The following CLEC9A variants were observed in gnomAD, a reference collection of about 807,000 sequenced individuals.
CLEC9A encodes C-type lectin domain containing 9A.
A neutral mutation model predicts 30.0 loss-of-function variants in CLEC9A; 24 were observed. The ratio of observed to expected loss-of-function variants is 0.80; its 90% CI spans 0.58 to 1.13. The LOEUF is 1.13. Ranked by LOEUF, CLEC9A falls within the 50% of genes most tolerant of loss-of-function variation. The pLI, the probability that CLEC9A is intolerant of heterozygous loss-of-function variation, is 0.00. For missense variants in CLEC9A, 251 were observed against 280.9 expected, an observed-to-expected ratio of 0.89 and a Z score of 0.76; for synonymous variants, 111 against 96.8, an observed-to-expected ratio of 1.15 and a Z score of -0.86.
rs748127904 is a variant in CLEC9A at position 10,065,584 on chromosome 12, G to A, written c.678G>A (p.Thr226=). 43 of 1,613,890 alleles carry A rather than the reference G, an allele frequency of 2.7e-5. No homozygotes were observed. The highest frequency in any genetic ancestry group is 3.4e-5 in the Non-Finnish European group (40 of 1,179,858). The change falls in exon 9 of 9, where the codon ACG becomes ACA. Residue 226 remains threonine (T), a synonymous_variant. Coordinates refer to ENST00000355819, the MANE Select transcript of CLEC9A (RefSeq NM_207345.4). ...CCCTTCTTTCGTCTAACTGCAGCAC[G>A]TGGAAGTATTTTATCTGTGAGAAGT... is the stretch of plus-strand genomic sequence containing the variant. The part of the protein sequence containing the change: ...SNSLLSSNCS[T]WKYFICEKYA...
chr12:10,036,881 G>A (rs911897805), intron 1 of CLEC9A, among the ~76,000 whole-genome samples: 1 of 152,124 alleles, frequency 6.6e-6, no homozygotes, highest in East Asian at 1.9e-4. Context: ...GATAATGCCC[G>A]TCATACATAT....
chr12:10,064,390 T>C (rs1302916929), intron 7 of CLEC9A, among the ~76,000 whole-genome samples: 1 of 152,226 alleles, frequency 6.6e-6, no homozygotes, highest in Non-Finnish European at 1.5e-5. Context: ...GACTATTCTA[T>C]GTGGTCTATG....
At chr12:10,033,963 A>T (rs574876974) in intron 1 of CLEC9A, among the ~76,000 whole-genome samples, 31 of 152,380 alleles carry the variant, frequency 2.0e-4, no homozygotes, top group Non-Finnish European at 3.5e-4. Context: ...AGCAGAAGAA[A>T]AATAAATGGC....
rs1179038465 is a variant in CLEC9A, at chr12:10,065,997, T to A, written c.*365T>A. The A allele has an allele frequency of 6.4e-6, 1 of 155,520 alleles. No homozygotes were observed. Among genetic ancestry groups the A allele is most frequent in the Admixed American group, 6.5e-5 (1 of 15,382 alleles). The allele number at this position is 155,520 out of a possible 1,614,324, so 9.6% of individuals were successfully genotyped here. On this transcript the variant is annotated 3_prime_UTR_variant, in exon 9 of 9. Coordinates refer to ENST00000355819, the MANE Select transcript of CLEC9A (RefSeq NM_207345.4). ...TGTAGTTACAGCTGACTAATATTTT[T>A]AAAATAAATAAATAAATTTGGCCTT...
chr12:10,043,310 T>TA, intron 2 of CLEC9A: 1 of 209,426 alleles, frequency 4.8e-6, no homozygotes, highest in South Asian at 6.2e-5. Flanking sequence ...CTCAGTTCTC[T>TA]AAAAAAATAT....
intron 2 of CLEC9A, among the ~76,000 whole-genome samples, chr12:10,043,646 T>A (rs552109584): frequency 1.4e-5 from 2 of 145,330 alleles, no homozygotes; most frequent in Non-Finnish European, 3.0e-5. Context: ...GTCTTTAAAT[T>A]GCTCTGATTC....
At chr12:10,061,362 G>A in intron 6 of CLEC9A, 89 bp downstream of exon 6, 2 of 1,315,342 alleles carry the variant, frequency 1.5e-6, no homozygotes, top group East Asian at 5.3e-5. Context: ...TTTGTTCTCT[G>A]CAAAACTGTT....
At chr12:10,047,959 G>A (rs1437818348) in intron 2 of CLEC9A, among the ~76,000 whole-genome samples, 4 of 152,166 alleles carry the variant, frequency 2.6e-5, no homozygotes, top group East Asian at 3.9e-4. Flanking sequence ...TGGGCTGGGC[G>A]CGGTGGCTCA....
intron 1 of CLEC9A, among the ~76,000 whole-genome samples, chr12:10,038,872 G>A (rs948719365): frequency 1.3e-5 from 2 of 152,240 alleles, no homozygotes; most frequent in African/African-American, 2.4e-5. Context: ...AAACACATCA[G>A]GCCTTAACAG....
At chr12:10,065,462 C>G in intron 8 of CLEC9A, 38 bp from the exon 9 acceptor site, 2 of 1,610,874 alleles carry the variant, frequency 1.2e-6, no homozygotes, top group South Asian at 1.1e-5. Flanking sequence ...TCTGAAACTC[C>G]CAAGTCTAAC....
chr12:10,031,553 T>C (rs1865695977), intron 1 of CLEC9A, among the ~76,000 whole-genome samples: 1 of 152,208 alleles, frequency 6.6e-6, no homozygotes, highest in African/African-American at 2.4e-5. Context: ...GTCTTCGATA[T>C]TGTGTCCAGT....
At chr12:10,032,241 A>G (rs531474991) in intron 1 of CLEC9A, among the ~76,000 whole-genome samples, 2 of 152,198 alleles carry the variant, frequency 1.3e-5, no homozygotes, top group Non-Finnish European at 2.9e-5. Flanking sequence ...TCTAGCAACC[A>G]TAGACGCAGG....
At chr12:10,039,893 GCTCACTGCAAACTCTAC>G in intron 1 of CLEC9A, among the ~76,000 whole-genome samples, 1 of 151,682 alleles carries the variant, frequency 6.6e-6, no homozygotes, top group South Asian at 2.1e-4. Context: ...TGCTATTTTG[GCTCACTGCAAACTCTAC>G]CTCCCAGGTC....
intron 1 of CLEC9A, among the ~76,000 whole-genome samples, chr12:10,040,517 C>G (rs1024039748): frequency 6.7e-6 from 1 of 150,228 alleles, no homozygotes; most frequent in African/African-American, 2.5e-5. Context: ...GTGGCGCCAT[C>G]TCGGCTCACT....
chr12:10,040,043 G>C (rs559044726), intron 1 of CLEC9A, among the ~76,000 whole-genome samples: 1 of 152,246 alleles, frequency 6.6e-6, no homozygotes, highest in South Asian at 2.1e-4. Flanking sequence ...GGCTGGTCTC[G>C]AACTCCTGGC....
chr12:10,052,849 A>C (rs539129148), intron 4 of CLEC9A, 71 bp downstream of exon 4: 1 of 1,516,796 alleles, frequency 6.6e-7, no homozygotes, highest in East Asian at 2.3e-5. Context: ...CTCTATCATG[A>C]GGCCAAGATG....
At chr12:10,031,989 T>C (rs1865701443) in intron 1 of CLEC9A, among the ~76,000 whole-genome samples, 1 of 151,862 alleles carries the variant, frequency 6.6e-6, no homozygotes, top group Non-Finnish European at 1.5e-5. Context: ...GAGAGCTAAG[T>C]TCAGTGTTGC....
chr12:10,031,044 C>G (rs1865691492), intron 1 of CLEC9A, 72 bp downstream of exon 1: 1 of 152,098 alleles, frequency 6.6e-6, no homozygotes, highest in Non-Finnish European at 1.5e-5. Context: ...TCATCTGAAC[C>G]TACTTTATAA....
chr12:10,050,411 A>T (rs148286240), intron 2 of CLEC9A, among the ~76,000 whole-genome samples: 1 of 152,162 alleles, frequency 6.6e-6, no homozygotes, highest in Non-Finnish European at 1.5e-5. Context: ...TGCAAAGCGC[A>T]ATAATGCAAA....
Sources: allele counts gnomAD v4.1 joint callset (sites outside exome capture counted in the v4.1 genomes callset), GRCh38; gene constraint gnomAD v4.1.1; transcripts MANE v1.5; gene names NCBI Gene and HGNC (gene_info 2026-07-23, HGNC 2026-07-21).